The following LINGO3 variants were observed in gnomAD, a reference collection of about 807,000 sequenced individuals.
LINGO3 encodes the protein leucine-rich repeat and immunoglobulin-like domain-containing nogo receptor-interacting protein 3.
For synonymous variants in LINGO3, 427 were observed against 444.2 expected (o/e 0.96, Z 0.49); for missense variants, 750 against 867.7 (o/e 0.86, Z 1.70).
chr19:2,289,608 C>T (rs1265121805), downstream of LINGO3, among the ~76,000 whole-genome samples: 2 of 151,948 alleles, frequency 1.3e-5, no homozygotes, highest in East Asian at 3.9e-4. Context: ...GGAGCGGAAG[C>T]CCAGGGCTTG....
At chr19:2,306,505 G>T in the LINGO3 span, among the ~76,000 whole-genome samples, 3 of 152,156 alleles carry the variant, frequency 2.0e-5, no homozygotes, top group Non-Finnish European at 2.9e-5. Context: ...ACTCAGCAAG[G>T]CACCTTCAGG....
Position 2,290,151 on chromosome 19 carries a change from G to A in LINGO3, c.1626C>T (p.Val542=). Residue 542 remains valine (V), a synonymous_variant, in exon 1 of 1, where the codon GTC becomes GTT. Transcript: ENST00000585527. This position sits in a 1 kb window ranked among gnomAD's most constrained non-coding sequence, Gnocchi z 6.0. ...CGAACAGCAGCACGAAGCAGAAGAG[G>A]ACCACGCCCAGGAAGGTGATGCAGC... 1.2e-6 allele frequency: 2 copies of A among 1,612,636 alleles called. No individual in the cohort carries two copies. Among genetic ancestry groups the A allele is most frequent in the South Asian group, 2.2e-5 (2 of 91,054 alleles).
At chr19:2,289,386 C>T (rs1410353143), downstream of LINGO3, among the ~76,000 whole-genome samples, 3 of 151,526 alleles carry the variant, frequency 2.0e-5, no homozygotes, top group East Asian at 1.9e-4. Context: ...TCTGGTGCCC[C>T]GGGTCTGGTT....
chr19:2,302,866 G>A, the LINGO3 span, among the ~76,000 whole-genome samples: 1 of 152,200 alleles, frequency 6.6e-6, no homozygotes, highest in African/African-American at 2.4e-5. Context: ...TCCCTGTGCT[G>A]GCCCCCGCCA....
exon 1 of LINGO3, chr19:2,289,830 G>A: frequency 3.5e-6 from 2 of 575,740 alleles, no homozygotes; most frequent in Non-Finnish European, 6.1e-6. Context: ...CAAAAAAGAC[G>A]CATGCTGATG....
downstream of LINGO3, among the ~76,000 whole-genome samples, chr19:2,289,222 G>C (rs371214274): frequency 6.1e-4 from 91 of 149,718 alleles, 3 homozygotes; most frequent in African/African-American, 2.0e-3. Context: ...TGTGTTTCCC[G>C]GGTGTAAGCT....
chr19:2,295,556 G>T (rs1328117393), upstream of LINGO3, among the ~76,000 whole-genome samples: 1 of 152,096 alleles, frequency 6.6e-6, no homozygotes, highest in East Asian at 1.9e-4. Context: ...GCAACATGGA[G>T]AAACCCTGTC....
chr19:2,290,449 G>T lies in LINGO3; in HGVS notation c.1328C>A (p.Thr443Asn). The change falls in exon 1 of 1, where the codon ACC becomes AAC. Residue 443 changes from threonine to asparagine, a missense_variant. Physicochemically the swap from Thr to Asn is moderately conservative, Grantham distance 65 (BLOSUM62 0). Coordinates refer to ENST00000585527, the Ensembl canonical transcript of LINGO3. This position sits in a 1 kb window ranked among gnomAD's most constrained non-coding sequence, Gnocchi z 6.0. ...GGCCGTCACCGGCCGGTGCTGGGGG[G>T]TCACCCAGGCCACGGTGGGCGCCGG... The T allele has an allele frequency of 1.4e-6, 2 of 1,449,382 alleles. No homozygotes were observed. The highest frequency in any genetic ancestry group is 1.8e-6 in the Non-Finnish European group (2 of 1,108,670). The allele number at this position is 1,449,382 out of a possible 1,614,324, so 89.8% of individuals were successfully genotyped here.
the LINGO3 span, among the ~76,000 whole-genome samples, chr19:2,307,680 G>A: frequency 1.3e-5 from 2 of 152,226 alleles, no homozygotes; most frequent in Admixed American, 1.3e-4. Flanking sequence ...CGGCTCGGGG[G>A]AGACAGGGCA....
At chr19:2,295,639 GGGA>G (rs1175319216), upstream of LINGO3, among the ~76,000 whole-genome samples, 1 of 152,198 alleles carries the variant, frequency 6.6e-6, no homozygotes, top group Non-Finnish European at 1.5e-5. Context: ...GTGAGGCTGA[GGGA>G]GGAGAATCGC....
chr19:2,300,023 C>CTTTTTTTTTTTTTTTT, the LINGO3 span, among the ~76,000 whole-genome samples: 8 of 95,866 alleles, frequency 8.3e-5, no homozygotes, highest in Non-Finnish European at 1.2e-4. Flanking sequence ...TGCCTGGCCT[C>CTTTTTTTTTTTTTTTT]TTTTTTTTTT....
At chr19:2,292,638 C>T (rs992162831), upstream of LINGO3, among the ~76,000 whole-genome samples, 4 of 150,700 alleles carry the variant, frequency 2.7e-5, no homozygotes, top group Admixed American at 6.6e-5. Flanking sequence ...TACAGGTGCC[C>T]GCCACCACGT....
chr19:2,291,313 A>T (rs1048612304), exon 1 of LINGO3: 1 of 1,612,806 alleles, frequency 6.2e-7, no homozygotes, highest in Non-Finnish European at 8.5e-7. Flanking sequence ...GCCCACTTCC[A>T]GCCGGCGCAG....
chr19:2,293,099 C>T (rs945775227), upstream of LINGO3, among the ~76,000 whole-genome samples: 1 of 151,050 alleles, frequency 6.6e-6, no homozygotes, highest in Non-Finnish European at 1.5e-5. Context: ...GAGTCTTGCT[C>T]TGTCACCCAG....
At chr19:2,291,481 G>T in exon 1 of LINGO3, 1 of 1,612,440 alleles carries the variant, frequency 6.2e-7, no homozygotes, top group Non-Finnish European at 8.5e-7. Flanking sequence ...CGGCAGGTTG[G>T]CGAAGGCGCC....
exon 1 of LINGO3, chr19:2,291,727 G>A (rs1428068924): frequency 3.0e-6 from 4 of 1,345,066 alleles, no homozygotes; most frequent in South Asian, 1.7e-5. Flanking sequence ...GGGCGGCGCC[G>A]CGGGCAGCAG....
At chr19:2,304,181 A>T in the LINGO3 span, among the ~76,000 whole-genome samples, 3 of 152,258 alleles carry the variant, frequency 2.0e-5, no homozygotes, top group African/African-American at 7.2e-5. Flanking sequence ...CAAGCACTTA[A>T]AAACAATGCC....
upstream of LINGO3, among the ~76,000 whole-genome samples, chr19:2,295,223 G>A (rs1388815181): frequency 3.3e-5 from 5 of 152,252 alleles, no homozygotes; most frequent in Admixed American, 3.3e-4. Context: ...TCAATGACTG[G>A]CATCCTTATA....
chr19:2,307,607 C>T, the LINGO3 span, among the ~76,000 whole-genome samples: 1 of 152,210 alleles, frequency 6.6e-6, no homozygotes, highest in East Asian at 1.9e-4. Flanking sequence ...GGAGCAGGCT[C>T]CGGTGTGGAC....
Sources: gnomAD v4.1 joint callset for allele counts (sites outside exome capture counted in the v4.1 genomes callset) on GRCh38, gnomAD v4.1.1 for gene constraint, Gnocchi (gnomAD v3.1) non-coding constraint, MANE v1.5 for transcripts, NCBI Gene and HGNC (gene_info 2026-07-23, HGNC 2026-07-21) for gene names.